The following EGFLAM variants were observed in gnomAD, a reference collection of about 807,000 sequenced individuals.
EGFLAM encodes pikachurin.
A neutral mutation model predicts 113.1 loss-of-function variants in EGFLAM; 79 were observed. The ratio of observed to expected loss-of-function variants is 0.70; its 90% CI spans 0.58 to 0.84. The LOEUF is 0.84. Ranked by LOEUF, EGFLAM falls within the 40% of genes least tolerant of loss-of-function variation. EGFLAM has a pLI of 0.00. For synonymous variants in EGFLAM, 504 were observed against 487.6 expected (o/e 1.03, Z -0.44); for missense variants, 1,265 against 1,291.6 (o/e 0.98, Z 0.32).
At chr5:38,360,817 A>C (rs1293770925) in intron 5 of EGFLAM, among the ~76,000 whole-genome samples, 1 of 132,198 alleles carries the variant, frequency 7.6e-6, no homozygotes, top group East Asian at 2.2e-4. Context: ...GTGTGTTTTG[A>C]AATTATTTAT....
At chr5:38,367,925 G>A (rs1192560353) in intron 5 of EGFLAM, among the ~76,000 whole-genome samples, 1 of 152,160 alleles carries the variant, frequency 6.6e-6, no homozygotes. Context: ...AAAAATAAAT[G>A]CTAATGATTT....
At chr5:38,323,732 A>T (rs1738799326) in intron 1 of EGFLAM, among the ~76,000 whole-genome samples, 1 of 149,646 alleles carries the variant, frequency 6.7e-6, no homozygotes, top group Admixed American at 6.7e-5. Flanking sequence ...TATAACCATT[A>T]TAAAAAAAAA....
chr5:38,453,534 T>C (rs1050855447), intron 19 of EGFLAM, among the ~76,000 whole-genome samples: 2 of 152,164 alleles, frequency 1.3e-5, no homozygotes, highest in Admixed American at 6.5e-5. Context: ...TTGGGGACTT[T>C]GGAGACTCAT....
intron 4 of EGFLAM, among the ~76,000 whole-genome samples, chr5:38,351,161 T>C (rs148798353): frequency 0.011 from 1,637 of 143,836 alleles, 30 homozygotes; most frequent in African/African-American, 0.041. Context: ...CAGGCTGGAG[T>C]GTAGTGGCGC....
intron 11 of EGFLAM, 62 bp from the exon 12 acceptor site, chr5:38,418,004 G>C (rs1345438110): frequency 4.7e-6 from 7 of 1,497,258 alleles, no homozygotes; most frequent in Non-Finnish European, 5.4e-6. Flanking sequence ...TAAAAATCTG[G>C]TGTGTTTTGG....
intron 1 of EGFLAM, among the ~76,000 whole-genome samples, chr5:38,262,041 T>C (rs2111680122): frequency 6.6e-6 from 1 of 152,330 alleles, no homozygotes; most frequent in Non-Finnish European, 1.5e-5. Context: ...ATTAGAATCA[T>C]AGGCCTGGAA....
chr5:38,407,097 C>G lies in EGFLAM; in HGVS notation c.1098C>G (p.Gly366=). ...GTGTCAATGACTACACCTGGGGGGG[C>G]TCGCGATGCCAGTGCACCCTGGGCA... ...SFCVNDYTWG[G]SRCQCTLGKG... The change falls in exon 8 of 22, where the codon GGC becomes GGG. Residue 366 remains glycine, a synonymous_variant. Transcript: ENST00000322350. 1.2e-6 allele frequency: 2 copies of G among 1,614,070 alleles called. No homozygotes were observed. Among genetic ancestry groups the G allele is most frequent in the Non-Finnish European group, 1.7e-6 (2 of 1,180,010 alleles).
chr5:38,437,081 T>C (rs551557535), intron 16 of EGFLAM, among the ~76,000 whole-genome samples: 8 of 152,338 alleles, frequency 5.3e-5, no homozygotes, highest in Admixed American at 5.2e-4. Context: ...AATCAAGGGC[T>C]GGTAAAGTTG....
At chr5:38,337,658 G>A (rs762797656) in intron 2 of EGFLAM, 29 bp downstream of exon 2, 19 of 1,551,864 alleles carry the variant, frequency 1.2e-5, no homozygotes, top group South Asian at 2.4e-5. Flanking sequence ...GAGTTTCCTC[G>A]GTGGGTGTGT....
chr5:38,368,589 A>G (rs1212846890), intron 5 of EGFLAM, among the ~76,000 whole-genome samples: 1 of 152,174 alleles, frequency 6.6e-6, no homozygotes, highest in Non-Finnish European at 1.5e-5. Flanking sequence ...TTGCTCCTCA[A>G]AGACAAACAG....
chr5:38,323,733 TA>T (rs35758827), intron 1 of EGFLAM, among the ~76,000 whole-genome samples: 14,959 of 150,674 alleles, frequency 0.099, 833 homozygotes, highest in South Asian at 0.15. Flanking sequence ...ATAACCATTA[TA>T]AAAAAAAAAT....
intron 19 of EGFLAM, 41 bp from the exon 20 acceptor site, chr5:38,458,270 T>C (rs1463926342): frequency 6.3e-7 from 1 of 1,595,178 alleles, no homozygotes; most frequent in South Asian, 1.1e-5. Context: ...TGCCTCAGTG[T>C]TTTATTCTGT....
At chr5:38,420,444 C>T (rs111743683) in intron 12 of EGFLAM, among the ~76,000 whole-genome samples, 2,522 of 152,254 alleles carry the variant, frequency 0.017, 78 homozygotes, top group African/African-American at 0.058. Context: ...GAGTCACATG[C>T]CTTGCTTATG....
intron 21 of EGFLAM, 32 bp from the exon 22 acceptor site, chr5:38,463,800 G>A (rs774850814): frequency 1.2e-6 from 2 of 1,607,912 alleles, no homozygotes; most frequent in Non-Finnish European, 1.7e-6. Flanking sequence ...CTGTCCTTTG[G>A]CTCACCTCAT....
chr5:38,463,215 T>C (rs1029251765), intron 21 of EGFLAM, among the ~76,000 whole-genome samples: 1 of 152,176 alleles, frequency 6.6e-6, no homozygotes, highest in African/African-American at 2.4e-5. Context: ...CTTTTATGCT[T>C]TGGACAGATC....
intron 3 of EGFLAM, chr5:38,345,742 A>C (rs1434579674): frequency 1.3e-5 from 2 of 152,220 alleles, no homozygotes; most frequent in Admixed American, 1.3e-4. Context: ...CCACAAGGCA[A>C]CAAAACAAAG....
chr5:38,357,864 CT>C (rs796951086), intron 5 of EGFLAM, among the ~76,000 whole-genome samples: 321 of 115,772 alleles, frequency 2.8e-3, no homozygotes, highest in African/African-American at 4.0e-3. Context: ...AACAAATTTT[CT>C]TTTTTTTTTT....
At position 38,427,158 on chromosome 5, in the gene EGFLAM, T is replaced by A; in HGVS notation, c.1960T>A (p.Tyr654Asn). The A allele has an allele frequency of 6.2e-7, 1 of 1,614,178 alleles. No individual in the cohort carries two copies. The highest frequency in any genetic ancestry group is 8.5e-7 in the Non-Finnish European group (1 of 1,180,028). The change falls in exon 14 of 22, where the codon TAT becomes AAT. Residue 654 changes from tyrosine to asparagine, a missense_variant. Physicochemically the swap from Tyr to Asn is moderately radical, Grantham distance 143 (BLOSUM62 -2). Coordinates refer to ENST00000322350, the MANE Select transcript of EGFLAM (RefSeq NM_152403.4). ...DSGDGVLLYS[Y>N]DTGSKDFLSI... ...AGGAGATGGTGTCCTCCTGTACAGC[T>A]ATGACACAGGCAGCAAAGACTTCCT... is the stretch of plus-strand genomic sequence containing the variant.
intron 6 of EGFLAM, chr5:38,403,927 T>C: frequency 1.2e-6 from 2 of 1,613,542 alleles, no homozygotes; most frequent in Non-Finnish European, 1.7e-6. Flanking sequence ...AATTTTCAGT[T>C]GACAGGTGGA....
Sources: gnomAD v4.1 joint callset for allele counts (sites outside exome capture counted in the v4.1 genomes callset) on GRCh38, gnomAD v4.1.1 for gene constraint, MANE v1.5 for transcripts, NCBI Gene and HGNC (gene_info 2026-07-23, HGNC 2026-07-21) for gene names.